The following TCF7L1 variants were observed in gnomAD, a reference collection of about 807,000 sequenced individuals.
TCF7L1 encodes transcription factor 7-like 1.
In TCF7L1, 18 loss-of-function variants were observed where a neutral mutation model predicts 63.7. The observed-to-expected ratio is 0.28, with a 90% CI of 0.20 to 0.42. The LOEUF is 0.42. Among genes scored for constraint, TCF7L1 ranks in the 10% least tolerant of loss-of-function variants. TCF7L1 has a pLI of 1.00. For synonymous variants in TCF7L1, 355 were observed against 340.9 expected (o/e 1.04, Z -0.46); for missense variants, 654 against 779.3 (o/e 0.84, Z 1.91).
rs373354860 is a variant in TCF7L1, at chr2:85,223,069, C to T, written c.442-60426C>T. Among the ~76,000 whole-genome samples the T allele has an allele frequency of 2.0e-5, 3 of 152,098 alleles. No homozygotes were observed. In the East Asian group the frequency reaches 5.8e-4, roughly 29 times the overall value. On this transcript the variant is annotated intron_variant, in intron 3 of 11. Coordinates refer to ENST00000282111, the MANE Select transcript of TCF7L1 (RefSeq NM_031283.3). ...ATATTGTTCTCTCTACTTTTGTGTACATTGGAAATTTTCCAAAATGGTTTG... is the reference window on the plus strand; with the variant it reads ...ATATTGTTCTCTCTACTTTTGTGTATATTGGAAATTTTCCAAAATGGTTTG...
In TCF7L1 at chr2:85,142,432, A is replaced by ATG. The variant is rs138067915; in HGVS notation, c.441+8014_441+8015dup. On this transcript the variant is annotated intron_variant, in intron 3 of 11. Transcript: ENST00000282111. ...GACCCTGTTTCCAAAAAAAAAAAAA[A>ATG]TGTGTGTGTGTGTGTGTGTGTGTGT... Among the ~76,000 whole-genome samples the ATG allele has an allele frequency of 3.8e-4, 52 of 138,064 alleles. 1 individual carries two copies. Among genetic ancestry groups the ATG allele is most frequent in the Middle Eastern group, 7.4e-3 (2 of 270 alleles). 90.6% of individuals were successfully genotyped at this position (138,064 alleles called of 152,430 possible). A position where few individuals can be genotyped will look rare whatever the true frequency, so the allele number is the denominator to read the frequency against.
At chr2:85,154,108 T>C (rs548985694) in intron 3 of TCF7L1, among the ~76,000 whole-genome samples, 1 of 152,328 alleles carries the variant, frequency 6.6e-6, no homozygotes, top group African/African-American at 2.4e-5. Flanking sequence ...AGTTAGAACA[T>C]TGAATCTGGC....
At chr2:85,271,617 C>T (rs1403093416) in intron 3 of TCF7L1, among the ~76,000 whole-genome samples, 7 of 152,202 alleles carry the variant, frequency 4.6e-5, no homozygotes, top group Non-Finnish European at 7.3e-5. Flanking sequence ...ATTGCCATCC[C>T]TGTCTTATCT....
chr2:85,244,754 G>A (rs979375977), intron 3 of TCF7L1, among the ~76,000 whole-genome samples: 5 of 152,178 alleles, frequency 3.3e-5, no homozygotes, highest in Admixed American at 6.5e-5. Context: ...TCAGCATGTT[G>A]ATGGTACTTC....
intron 3 of TCF7L1, among the ~76,000 whole-genome samples, chr2:85,215,475 C>T (rs908194160): frequency 6.6e-6 from 1 of 152,208 alleles, no homozygotes; most frequent in Non-Finnish European, 1.5e-5. Flanking sequence ...TGCAGAGGCC[C>T]CCCGCCTTGC....
chr2:85,289,172 T>C (rs1469311763), intron 4 of TCF7L1, among the ~76,000 whole-genome samples: 1 of 152,124 alleles, frequency 6.6e-6, no homozygotes, highest in African/African-American at 2.4e-5. Context: ...GAAAAAGATC[T>C]ATAATCCCAC....
At chr2:85,304,185 T>C in intron 6 of TCF7L1, 70 bp from the exon 7 acceptor site, 1 of 1,491,836 alleles carries the variant, frequency 6.7e-7, no homozygotes, top group Non-Finnish European at 9.2e-7. Flanking sequence ...TCATCCCTTC[T>C]TCCCAAGTGC....
chr2:85,293,575 A>T lies in TCF7L1; in HGVS notation c.526-8909A>T, dbSNP rs1279421559. 3.9e-5 allele frequency among the ~76,000 whole-genome samples: 6 copies of T among 152,226 alleles called. No individual in the cohort carries two copies. The East Asian group carries it at 7.7e-4, about 20-fold the overall frequency. On this transcript the variant is annotated intron_variant, in intron 4 of 11. Coordinates refer to ENST00000282111, the MANE Select transcript of TCF7L1 (RefSeq NM_031283.3). ...TACCCAGTCTCAGGTATTTCTTTAT[A>T]GCAATGCAAGAACAGACTAATACGT...
chr2:85,156,935 T>C (rs1204861629), intron 3 of TCF7L1, among the ~76,000 whole-genome samples: 3 of 152,198 alleles, frequency 2.0e-5, no homozygotes. Flanking sequence ...GGGGGCACAT[T>C]CTACTAGCAT....
intron 3 of TCF7L1, among the ~76,000 whole-genome samples, chr2:85,251,986 G>A (rs975786485): frequency 1.3e-5 from 2 of 152,094 alleles, no homozygotes; most frequent in Non-Finnish European, 2.9e-5. Context: ...GAGGTGGGAG[G>A]ATCACTTGAA....
Position 85,133,696 on chromosome 2 carries a change from C to CGGCGGCGGG in TCF7L1, c.21_29dup (p.Gly12_Gly14dup), listed in dbSNP as rs1261990618. 33 of 1,001,184 alleles carry CGGCGGCGGG rather than the reference C, an allele frequency of 3.3e-5. No homozygotes were observed. In the East Asian group the frequency reaches 9.2e-4, roughly 28 times the overall value. The allele number at this position is 1,001,184 out of a possible 1,614,324, so 62.0% of individuals were successfully genotyped here. ...CCCGCGGCCCCACCATGCCCCAGCT[C>CGGCGGCGGG]GGCGGCGGGGGCGGCGGCGGCGGCG... On this transcript the variant is annotated inframe_insertion, in exon 1 of 12. Coordinates refer to ENST00000282111, the MANE Select transcript of TCF7L1 (RefSeq NM_031283.3). This position sits in a 1 kb window ranked among gnomAD's most constrained non-coding sequence, Gnocchi z 4.4.
chr2:85,250,643 G>C (rs745618200), intron 3 of TCF7L1, among the ~76,000 whole-genome samples: 4 of 152,118 alleles, frequency 2.6e-5, no homozygotes, highest in Non-Finnish European at 4.4e-5. Context: ...CGCCATGTTG[G>C]CCAGGCTGGT....
At chr2:85,218,269 T>A (rs897667925) in intron 3 of TCF7L1, among the ~76,000 whole-genome samples, 2 of 151,946 alleles carry the variant, frequency 1.3e-5, no homozygotes, top group African/African-American at 4.8e-5. Flanking sequence ...TATTTATTTA[T>A]TTTTGAGACA....
intron 3 of TCF7L1, among the ~76,000 whole-genome samples, chr2:85,136,302 C>T (rs1677592133): frequency 6.6e-6 from 1 of 152,180 alleles, no homozygotes; most frequent in Admixed American, 6.5e-5. Context: ...CTCTGACAGT[C>T]CAAGTGAGAC....
At chr2:85,137,785 T>C (rs780798173) in intron 3 of TCF7L1, among the ~76,000 whole-genome samples, 2 of 151,742 alleles carry the variant, frequency 1.3e-5, no homozygotes, top group South Asian at 2.1e-4. Flanking sequence ...TCCAGCTACA[T>C]TGGAGACTGA....
At chr2:85,286,621 A>G (rs1167015833) in intron 4 of TCF7L1, among the ~76,000 whole-genome samples, 2 of 151,974 alleles carry the variant, frequency 1.3e-5, no homozygotes, top group South Asian at 2.1e-4. Context: ...TCAGCCTTCC[A>G]AGTAGCTGGG....
At chr2:85,246,190 G>A (rs2104330347) in intron 3 of TCF7L1, among the ~76,000 whole-genome samples, 1 of 152,356 alleles carries the variant, frequency 6.6e-6, no homozygotes, top group East Asian at 1.9e-4. Context: ...TCTCAACACA[G>A]TTGGGTGTAG....
chr2:85,239,449 C>G (rs1680275639), intron 3 of TCF7L1, among the ~76,000 whole-genome samples: 1 of 152,122 alleles, frequency 6.6e-6, no homozygotes, highest in Admixed American at 6.5e-5. Flanking sequence ...GACTGTTTCT[C>G]CTCTATGTGC....
rs920022688 is a variant in TCF7L1, at chr2:85,309,704, G to A, written c.*242G>A. On this transcript the variant is annotated 3_prime_UTR_variant, in exon 12 of 12. Coordinates refer to ENST00000282111, the MANE Select transcript of TCF7L1 (RefSeq NM_031283.3). ...ATAAGAAAGAGAACTGAAAAGTAGCGTGCTATTCGTCCTGTAGGTGCTGTG... is the reference window on the plus strand; with the variant it reads ...ATAAGAAAGAGAACTGAAAAGTAGCATGCTATTCGTCCTGTAGGTGCTGTG... The A allele has an allele frequency of 3.0e-5, 13 of 436,940 alleles. No individual in the cohort carries two copies. Among genetic ancestry groups the A allele is most frequent in the African/African-American group, 6.1e-5 (3 of 49,198 alleles). The allele number at this position is 436,940 out of a possible 1,614,324, so 27.1% of individuals were successfully genotyped here. A position where few individuals can be genotyped will look rare whatever the true frequency, so the allele number is the denominator to read the frequency against.
Sources: allele counts gnomAD v4.1 joint callset (sites outside exome capture counted in the v4.1 genomes callset), GRCh38; gene constraint gnomAD v4.1.1; non-coding constraint Gnocchi (gnomAD v3.1); transcripts MANE v1.5; gene names NCBI Gene and HGNC (gene_info 2026-07-23, HGNC 2026-07-21).